Variants in BTBD9 observed in about 807,000 individuals in gnomAD.
The protein encoded by BTBD9 is BTB domain containing 9.
BTBD9 carries 49 observed loss-of-function variants against 64.3 expected under a neutral mutation model. The ratio of observed to expected loss-of-function variants is 0.76; its 90% CI spans 0.61 to 0.97. The LOEUF (loss-of-function observed/expected upper bound fraction) is 0.97, where lower values mean the gene tolerates loss of function less well. Ranked by LOEUF, BTBD9 falls within the 50% of genes least tolerant of loss-of-function variation. The pLI, the probability that BTBD9 is intolerant of heterozygous loss-of-function variation, is 0.00. For synonymous variants in BTBD9, 260 were observed against 274.7 expected, an observed-to-expected ratio of 0.95 and a Z score of 0.53; for missense variants, 598 against 762.1, an observed-to-expected ratio of 0.78 and a Z score of 2.53.
intron 6 of BTBD9, among the ~76,000 whole-genome samples, chr6:38,529,987 A>G (rs1773715681): frequency 1.3e-5 from 2 of 152,126 alleles, no homozygotes; most frequent in Admixed American, 1.3e-4. Context: ...AGTAGGGAAG[A>G]GATTACTAAA....
intron 9 of BTBD9, among the ~76,000 whole-genome samples, chr6:38,227,470 G>C (rs1191705142): frequency 1.3e-5 from 2 of 152,214 alleles, no homozygotes; most frequent in Non-Finnish European, 2.9e-5. Flanking sequence ...AAGTGCTACA[G>C]AGCCCCAGAC....
chr6:38,575,953 TA>T (rs1286172645), intron 6 of BTBD9, among the ~76,000 whole-genome samples: 1 of 152,124 alleles, frequency 6.6e-6, no homozygotes, highest in Non-Finnish European at 1.5e-5. Flanking sequence ...AAAGGTAAAG[TA>T]TATTTTCTAA....
At chr6:38,535,424 T>C (rs762591466) in intron 6 of BTBD9, among the ~76,000 whole-genome samples, 13 of 152,214 alleles carry the variant, frequency 8.5e-5, no homozygotes, top group Middle Eastern at 6.8e-3. Flanking sequence ...AAAATGTCCA[T>C]ATTACCCAAA....
chr6:38,529,648 T>C (rs1376334312), intron 6 of BTBD9, among the ~76,000 whole-genome samples: 1 of 152,216 alleles, frequency 6.6e-6, no homozygotes, highest in Non-Finnish European at 1.5e-5. Flanking sequence ...GAACATAAAT[T>C]GTGAAGATTT....
chr6:38,560,464 G>A (rs2127456119), intron 6 of BTBD9, among the ~76,000 whole-genome samples: 1 of 152,116 alleles, frequency 6.6e-6, no homozygotes, highest in East Asian at 1.9e-4. Context: ...AAATCTTTTT[G>A]TACACAAAAT....
intron 6 of BTBD9, among the ~76,000 whole-genome samples, chr6:38,358,933 G>A (rs1043966373): frequency 1.3e-5 from 2 of 151,736 alleles, no homozygotes; most frequent in Non-Finnish European, 2.9e-5. Flanking sequence ...CACCGCGCCC[G>A]GCTAATTTTT....
intron 6 of BTBD9, among the ~76,000 whole-genome samples, chr6:38,558,129 T>C (rs559280385): frequency 6.6e-4 from 101 of 152,102 alleles, no homozygotes; most frequent in African/African-American, 2.4e-3. Context: ...CCAGGTTTGG[T>C]GGTATGTGCC....
chr6:38,203,475 T>C (rs1159176773), intron 9 of BTBD9, among the ~76,000 whole-genome samples: 2 of 152,126 alleles, frequency 1.3e-5, no homozygotes, highest in Non-Finnish European at 2.9e-5. Context: ...CTATTCACAA[T>C]AGCAAAGAGA....
chr6:38,275,591 C>A (rs1765358796), intron 8 of BTBD9, among the ~76,000 whole-genome samples: 1 of 150,614 alleles, frequency 6.6e-6, no homozygotes, highest in South Asian at 2.1e-4. Flanking sequence ...ATTTTTGCAA[C>A]CTACTCATCT....
chr6:38,628,148 C>G (rs150168078), intron 1 of BTBD9, among the ~76,000 whole-genome samples: 1 of 152,264 alleles, frequency 6.6e-6, no homozygotes. Flanking sequence ...CTGAGAATAA[C>G]TTCAACTTTT....
At chr6:38,186,767 T>C (rs72853683) in intron 10 of BTBD9, among the ~76,000 whole-genome samples, 1,896 of 152,350 alleles carry the variant, frequency 0.012, 13 homozygotes, top group South Asian at 0.053. Flanking sequence ...GTTTCTGCTA[T>C]TGACTTGGTA....
chr6:38,482,224 C>T (rs1562245767), intron 6 of BTBD9: 1 of 152,236 alleles, frequency 6.6e-6, no homozygotes, highest in Admixed American at 6.5e-5. Flanking sequence ...GCTAATCTTC[C>T]ACAAGCAAGC....
At chr6:38,466,615 C>T (rs1252280920) in intron 6 of BTBD9, among the ~76,000 whole-genome samples, 1 of 151,994 alleles carries the variant, frequency 6.6e-6, no homozygotes, top group African/African-American at 2.4e-5. Context: ...TTAAAGAAGG[C>T]AAAGCAGGTT....
chr6:38,266,613 A>AG (rs112415479), intron 8 of BTBD9, among the ~76,000 whole-genome samples: 320 of 9,572 alleles, frequency 0.033, 2 homozygotes, highest in Non-Finnish European at 0.024. Context: ...AAGGAAAGAA[A>AG]GAAAGAAAGA....
chr6:38,452,233 C>T (rs1664241020), intron 6 of BTBD9, among the ~76,000 whole-genome samples: 1 of 151,914 alleles, frequency 6.6e-6, no homozygotes, highest in South Asian at 2.1e-4. Context: ...TCCTATGCCC[C>T]AAAAAGGTCA....
At position 38,584,423 on chromosome 6, in the gene BTBD9, C is replaced by T. The variant is rs569000615; in HGVS notation, c.815-3986G>A. 2.3e-4 allele frequency among the ~76,000 whole-genome samples: 35 copies of T among 152,258 alleles called. No homozygotes were observed. In the South Asian group the frequency reaches 7.3e-3, roughly 32 times the overall value. On this transcript the variant is annotated intron_variant, in intron 4 of 10. Coordinates refer to ENST00000481247, the MANE Select transcript of BTBD9 (RefSeq NM_001099272.2). ...CATAATATTAAGCTTTGAAATTCTA[C>T]AGCTAGGTAGAGATTGCTAATTATT...
chr6:38,524,680 A>G (rs1356324098), intron 6 of BTBD9, among the ~76,000 whole-genome samples: 1 of 152,146 alleles, frequency 6.6e-6, no homozygotes, highest in East Asian at 1.9e-4. Flanking sequence ...TAGTTTTGCC[A>G]TAGCTGATAT....
intron 9 of BTBD9, among the ~76,000 whole-genome samples, chr6:38,248,139 C>T (rs1390400323): frequency 6.6e-6 from 1 of 152,042 alleles, no homozygotes; most frequent in Non-Finnish European, 1.5e-5. Context: ...TTTGTACACG[C>T]TTTTTAAAAA....
At chr6:38,541,847 T>C (rs1184068280) in intron 6 of BTBD9, among the ~76,000 whole-genome samples, 2 of 152,234 alleles carry the variant, frequency 1.3e-5, no homozygotes, top group Admixed American at 1.3e-4. Context: ...GAAAGTTTAA[T>C]ATAAAGTCAG....
Sources: gnomAD v4.1 joint callset for allele counts (sites outside exome capture counted in the v4.1 genomes callset) on GRCh38, gnomAD v4.1.1 for gene constraint, MANE v1.5 for transcripts, NCBI Gene and HGNC (gene_info 2026-07-23, HGNC 2026-07-21) for gene names.